Variants in NEK8 observed in about 807,000 individuals in gnomAD.
NEK8 encodes the protein NIMA related kinase 8.
In NEK8, 51 loss-of-function variants were observed where a neutral mutation model predicts 77.2. That is an observed-to-expected ratio of 0.66 (90% CI 0.53 to 0.83). NEK8 has a LOEUF of 0.83. Among genes scored for constraint, NEK8 ranks in the 40% least tolerant of loss-of-function variants. The pLI, the probability that NEK8 is intolerant of heterozygous loss-of-function variation, is 0.00. For missense variants in NEK8, 787 were observed against 909.2 expected (o/e 0.87, Z 1.73); for synonymous variants, 365 against 363.2 (o/e 1.00, Z -0.06).
chr17:28,732,016 C>T (rs560637860), intron 1 of NEK8, among the ~76,000 whole-genome samples: 1 of 145,836 alleles, frequency 6.9e-6, no homozygotes, highest in Non-Finnish European at 1.5e-5. Context: ...CTGCAAGCTC[C>T]GCCTCACGGG....
intron 1 of NEK8, among the ~76,000 whole-genome samples, chr17:28,731,380 A>G (rs1391407018): frequency 6.6e-6 from 1 of 151,898 alleles, no homozygotes; most frequent in Non-Finnish European, 1.5e-5. Context: ...TCTACTAAAA[A>G]TAAAAAAATT....
intron 8 of NEK8, 114 bp from the exon 9 acceptor site, chr17:28,738,557 T>C: frequency 2.1e-6 from 2 of 932,308 alleles, no homozygotes; most frequent in East Asian, 2.5e-5. Context: ...ATCCCATCCT[T>C]CCAGCCCTGG....
intron 4 of NEK8, among the ~76,000 whole-genome samples, chr17:28,735,700 T>C (rs2034357234): frequency 6.6e-6 from 1 of 152,118 alleles, no homozygotes; most frequent in African/African-American, 2.4e-5. Flanking sequence ...GAAAGCCAGG[T>C]TGGACTCCCC....
Position 28,737,638 on chromosome 17 carries a change from G to A in NEK8, c.828-37G>A, listed in dbSNP as rs1260569723. 1 of 1,614,074 alleles carries A rather than the reference G, an allele frequency of 6.2e-7. No homozygotes were observed. The highest frequency in any genetic ancestry group is 1.7e-5 in the Admixed American group (1 of 60,010). On this transcript the variant is annotated intron_variant, in intron 5 of 14. Transcript: ENST00000268766. This position sits in a 1 kb window ranked among gnomAD's most constrained non-coding sequence, Gnocchi z 4.8. ...CCCTTCCTGCATGTAGGAATGTCAG[G>A]AGGGTCTTTGTCCTTAGGCCCCCAT... is the stretch of plus-strand genomic sequence containing the variant.
chr17:28,738,841 C>T, intron 9 of NEK8, 94 bp downstream of exon 9: 1 of 1,025,908 alleles, frequency 9.7e-7, no homozygotes, highest in Non-Finnish European at 1.5e-6. Context: ...AGGGGAGTTC[C>T]CAGCAACCAC....
At chr17:28,728,887 C>T (rs1158978556) in intron 1 of NEK8, 27 bp downstream of exon 1, 1 of 1,540,034 alleles carries the variant, frequency 6.5e-7, no homozygotes, top group African/African-American at 1.4e-5. Flanking sequence ...GGGGAGGAAA[C>T]TGCTAGGGGA....
intron 2 of NEK8, 163 bp from the exon 3 acceptor site, chr17:28,734,609 G>A (rs1365780426): frequency 9.5e-6 from 6 of 629,702 alleles, no homozygotes; most frequent in African/African-American, 5.5e-5. Flanking sequence ...GCTTGAACCC[G>A]GGAGGGGGGG....
Position 28,742,939 on chromosome 17 carries a change from G to A in NEK8, c.*952G>A, listed in dbSNP as rs2034442079. ...AATACAAAAATTAACCAGGCATGGTGACGGGCGCCTGTAATCCCAGCTACT... is the reference window on the plus strand; with the variant it reads ...AATACAAAAATTAACCAGGCATGGTAACGGGCGCCTGTAATCCCAGCTACT... On this transcript the variant is annotated 3_prime_UTR_variant, in exon 15 of 15. Transcript: ENST00000268766. 6.6e-6 allele frequency: 1 copy of A among 152,040 alleles called. No individual in the cohort carries two copies. The highest frequency in any genetic ancestry group is 1.5e-5 in the Non-Finnish European group (1 of 68,040). The allele number at this position is 152,040 out of a possible 1,614,324, so 9.4% of individuals were successfully genotyped here.
intron 2 of NEK8, 164 bp from the exon 3 acceptor site, chr17:28,734,608 C>T (rs1201024666): frequency 2.5e-5 from 16 of 628,116 alleles, no homozygotes; most frequent in East Asian, 2.2e-4. Flanking sequence ...GGCTTGAACC[C>T]GGGAGGGGGG....
At chr17:28,729,439 AC>A (rs1167097699) in intron 1 of NEK8, among the ~76,000 whole-genome samples, 1 of 151,646 alleles carries the variant, frequency 6.6e-6, no homozygotes, top group Non-Finnish European at 1.5e-5. Flanking sequence ...CACTGCAACC[AC>A]CACCTCCTGG....
intron 1 of NEK8, among the ~76,000 whole-genome samples, chr17:28,733,278 C>T (rs913096525): frequency 6.6e-6 from 1 of 152,034 alleles, no homozygotes; most frequent in Non-Finnish European, 1.5e-5. Flanking sequence ...GGTTTGGAGG[C>T]AGGAATCAAG....
chr17:28,735,125 G>A, intron 3 of NEK8, 115 bp from the exon 4 acceptor site: 1 of 1,548,830 alleles, frequency 6.5e-7, no homozygotes, highest in Non-Finnish European at 8.8e-7. Context: ...GGGTGGTTCT[G>A]CAGGAGGAAG....
rs2034430609 is a variant in NEK8, at chr17:28,742,223, C to T, written c.*236C>T. The T allele has an allele frequency of 1.6e-6, 1 of 632,644 alleles. No individual in the cohort carries two copies. Among genetic ancestry groups the T allele is most frequent in the Admixed American group, 2.3e-5 (1 of 44,392 alleles). 39.2% of individuals were successfully genotyped at this position (632,644 alleles called of 1,614,324 possible). ...CCTTCCTCCCTTCAGTCAGTGTCCC[C>T]AGGGTCCAGCCTGGCTAGAGTTAGA... On this transcript the variant is annotated 3_prime_UTR_variant, in exon 15 of 15. Coordinates refer to ENST00000268766, the MANE Select transcript of NEK8 (RefSeq NM_178170.3).
chr17:28,741,264 C>T lies in NEK8; in HGVS notation c.1891+28C>T. ...GAGGACTGAGCATGGTGGGGGCAGA[C>T]AGTGCCATGAGCAGTGGGGGGTGGG... On this transcript the variant is annotated intron_variant, in intron 13 of 14. Coordinates refer to ENST00000268766, the MANE Select transcript of NEK8 (RefSeq NM_178170.3). The surrounding 1 kb of genome is among the most constrained non-coding windows in gnomAD (Gnocchi z 4.5). 1.3e-6 allele frequency: 2 copies of T among 1,595,258 alleles called. No individual in the cohort carries two copies. Among genetic ancestry groups the T allele is most frequent in the South Asian group, 1.1e-5 (1 of 88,264 alleles).
In NEK8 at chr17:28,737,360, G is replaced by C. The variant is rs1403766728; in HGVS notation, c.673G>C (p.Asp225His). Residue 225 changes from aspartate (D) to histidine (H), a missense_variant, in exon 5 of 15, where the codon GAC becomes CAC. By Grantham distance (81) the Asp-to-His change is moderately conservative. Transcript: ENST00000268766. This position sits in a 1 kb window ranked among gnomAD's most constrained non-coding sequence, Gnocchi z 4.8. ...IMSGTFAPIS[D>H]RYSPELRQLV... ...GAGTGGCACCTTTGCACCTATCTCT[G>C]ACCGGTACAGCCCTGAGCTTCGCCA... is the stretch of plus-strand genomic sequence containing the variant. 7 of 1,613,770 alleles carry C rather than the reference G, an allele frequency of 4.3e-6. No individual in the cohort carries two copies. Among genetic ancestry groups the C allele is most frequent in the Non-Finnish European group, 5.9e-6 (7 of 1,180,030 alleles).
chr17:28,738,321 C>T (rs184294542), intron 8 of NEK8, 76 bp downstream of exon 8: 18 of 1,523,408 alleles, frequency 1.2e-5, no homozygotes, highest in Admixed American at 1.2e-4. Context: ...TTGCAAAACA[C>T]GCACTTAATG....
Position 28,743,250 on chromosome 17 carries a change from A to T in NEK8, c.*1263A>T, listed in dbSNP as rs996142105. The T allele has an allele frequency of 2.0e-5, 3 of 152,024 alleles. No homozygotes were observed. Among genetic ancestry groups the T allele is most frequent in the African/African-American group, 7.3e-5 (3 of 41,348 alleles). The allele number at this position is 152,024 out of a possible 1,614,324, so 9.4% of individuals were successfully genotyped here. ...GTGCTGCCACCTCCCCTACACTTTC[A>T]TCCTGAGGCAGGATTTGCTAGACGT... is the stretch of plus-strand genomic sequence containing the variant. On this transcript the variant is annotated 3_prime_UTR_variant, in exon 15 of 15. Coordinates refer to ENST00000268766, the MANE Select transcript of NEK8 (RefSeq NM_178170.3).
chr17:28,730,277 ATTTTTTTTTT>A lies in NEK8; in HGVS notation c.47+1436_47+1445del, dbSNP rs36102062. 4.5e-5 allele frequency among the ~76,000 whole-genome samples: 4 copies of A among 89,264 alleles called. No individual in the cohort carries two copies. The South Asian group carries it at 1.1e-3, about 24-fold the overall frequency. The allele number at this position is 89,264 out of a possible 152,430, so 58.6% of individuals were successfully genotyped here. A position where few individuals can be genotyped will look rare whatever the true frequency, so the allele number is the denominator to read the frequency against. ...AGGCACACGCCACAACAACCGGCTA[ATTTTTTTTTT>A]TTTTTTTTTTTTTTTTTTGTGAGAC... On this transcript the variant is annotated intron_variant, in intron 1 of 14. Coordinates refer to ENST00000268766, the MANE Select transcript of NEK8 (RefSeq NM_178170.3).
At position 28,741,625 on chromosome 17, in the gene NEK8, A is replaced by C; in HGVS notation, c.2050+54A>C. ...CACAGCCCAGCTGGCCCCTGTCCAC[A>C]CTCCCATCCCCAGTGTTCACAGATG... On this transcript the variant is annotated intron_variant, in intron 14 of 14. Coordinates refer to ENST00000268766, the MANE Select transcript of NEK8 (RefSeq NM_178170.3). This position sits in a 1 kb window ranked among gnomAD's most constrained non-coding sequence, Gnocchi z 4.5. The C allele has an allele frequency of 6.3e-7, 1 of 1,578,716 alleles. No individual in the cohort carries two copies. The highest frequency in any genetic ancestry group is 8.7e-7 in the Non-Finnish European group (1 of 1,149,366).
Sources: gnomAD v4.1 joint callset for allele counts (sites outside exome capture counted in the v4.1 genomes callset) on GRCh38, gnomAD v4.1.1 for gene constraint, Gnocchi (gnomAD v3.1) non-coding constraint, MANE v1.5 for transcripts, NCBI Gene and HGNC (gene_info 2026-07-23, HGNC 2026-07-21) for gene names.